CNTN5: variants seen among roughly 807,000 people sequenced by gnomAD.
The protein encoded by CNTN5 is contactin-5.
Under a neutral mutation model 129.1 loss-of-function variants are expected in CNTN5, and 77 were observed. The observed-to-expected ratio is 0.60, with a 90% CI of 0.50 to 0.72. CNTN5 has a LOEUF of 0.72. CNTN5 is among the 30% of genes least tolerant of loss of function. CNTN5 has a pLI of 0.00. For synonymous variants in CNTN5, 509 were observed against 465.6 expected (o/e 1.09, Z -1.20); for missense variants, 1,478 against 1,328.8 (o/e 1.11, Z -1.75).
intron 7 of CNTN5, among the ~76,000 whole-genome samples, chr11:99,926,755 T>C (rs1011325794): frequency 2.0e-5 from 3 of 152,080 alleles, no homozygotes; most frequent in Non-Finnish European, 2.9e-5. Flanking sequence ...CAAATCACTA[T>C]ATATTAAATT....
At chr11:99,153,108 T>A (rs771311094) in intron 1 of CNTN5, among the ~76,000 whole-genome samples, 18 of 152,194 alleles carry the variant, frequency 1.2e-4, no homozygotes, top group South Asian at 6.2e-4. Flanking sequence ...GAGAATCTGA[T>A]GACTATGTGT....
chr11:100,333,408 G>GAA (rs547220238), intron 21 of CNTN5, among the ~76,000 whole-genome samples: 16,879 of 73,448 alleles, frequency 0.23, 1,922 homozygotes, highest in Non-Finnish European at 0.27. Context: ...CACTGAATTA[G>GAA]AAAAAAAAAA....
intron 8 of CNTN5, among the ~76,000 whole-genome samples, chr11:99,983,201 T>A (rs1318835822): frequency 1.3e-5 from 2 of 152,204 alleles, no homozygotes; most frequent in Non-Finnish European, 2.9e-5. Context: ...ATAATTATTC[T>A]AAAGATGGAG....
At chr11:99,303,787 G>T (rs1864749310) in intron 1 of CNTN5, among the ~76,000 whole-genome samples, 1 of 152,006 alleles carries the variant, frequency 6.6e-6, no homozygotes, top group African/African-American at 2.4e-5. Context: ...GATATTTAAA[G>T]TTCTAAAAAG....
chr11:99,483,505 C>T (rs1945686214), intron 2 of CNTN5, among the ~76,000 whole-genome samples: 1 of 152,138 alleles, frequency 6.6e-6, no homozygotes, highest in Non-Finnish European at 1.5e-5. Context: ...CTTGAGCCCA[C>T]TCACCCAACT....
intron 3 of CNTN5, among the ~76,000 whole-genome samples, chr11:99,792,573 G>GTGTC (rs1555113491): frequency 0.033 from 3,866 of 116,574 alleles, 97 homozygotes; most frequent in African/African-American, 0.036. Flanking sequence ...GTGTGTGTGT[G>GTGTC]TGTCTGTCTG....
At chr11:100,198,484 G>A (rs1201241471) in intron 15 of CNTN5, among the ~76,000 whole-genome samples, 3 of 151,848 alleles carry the variant, frequency 2.0e-5, no homozygotes, top group Non-Finnish European at 4.4e-5. Context: ...GTTATTTGGG[G>A]AAAACATGCT....
intron 15 of CNTN5, among the ~76,000 whole-genome samples, chr11:100,219,933 A>G (rs888395761): frequency 5.3e-5 from 8 of 152,194 alleles, no homozygotes; most frequent in Non-Finnish European, 1.0e-4. Flanking sequence ...TAAAGAAAAA[A>G]CTATAAAAAG....
chr11:99,643,608 A>G (rs1295523955), intron 3 of CNTN5, among the ~76,000 whole-genome samples: 2 of 152,158 alleles, frequency 1.3e-5, no homozygotes, highest in Non-Finnish European at 2.9e-5. Flanking sequence ...GCCAAGACAT[A>G]TTAATGTTGT....
At chr11:100,308,291 C>G (rs117462464) in intron 20 of CNTN5, 68 bp from the exon 21 acceptor site, 12 of 1,389,634 alleles carry the variant, frequency 8.6e-6, no homozygotes, top group African/African-American at 1.5e-5. Context: ...TAACACCTGA[C>G]AGACTCAGGC....
chr11:99,075,751 G>T (rs1401241135), intron 1 of CNTN5, among the ~76,000 whole-genome samples: 2 of 152,134 alleles, frequency 1.3e-5, no homozygotes, highest in Non-Finnish European at 2.9e-5. Context: ...AGATATGAAA[G>T]TTTATGATGA....
intron 3 of CNTN5, among the ~76,000 whole-genome samples, chr11:99,676,683 C>T (rs955961412): frequency 4.6e-5 from 7 of 152,122 alleles, no homozygotes; most frequent in Non-Finnish European, 1.0e-4. Flanking sequence ...ATGTAACAAA[C>T]CTGCACGTTG....
chr11:99,813,053 G>A (rs1345613784), intron 3 of CNTN5, among the ~76,000 whole-genome samples: 2 of 151,908 alleles, frequency 1.3e-5, no homozygotes, highest in Admixed American at 1.3e-4. Context: ...CTCCCAGATT[G>A]TAAATTCCAC....
chr11:99,244,268 A>C (rs1268735033), intron 1 of CNTN5, among the ~76,000 whole-genome samples: 1 of 152,092 alleles, frequency 6.6e-6, no homozygotes, highest in African/African-American at 2.4e-5. Flanking sequence ...AGTGTCATTG[A>C]TGTATAGAAA....
intron 8 of CNTN5, among the ~76,000 whole-genome samples, chr11:99,962,119 C>T (rs987821991): frequency 2.1e-5 from 2 of 93,478 alleles, no homozygotes; most frequent in Non-Finnish European, 4.5e-5. Flanking sequence ...TAAAATTACT[C>T]TAAGGAAGAC....
chr11:99,705,255 A>G (rs1456277460), intron 3 of CNTN5, among the ~76,000 whole-genome samples: 5 of 151,242 alleles, frequency 3.3e-5, no homozygotes, highest in African/African-American at 9.7e-5. Context: ...ATTTACAGAG[A>G]TTTCTTCAAG....
chr11:99,140,835 G>A (rs1859476652), intron 1 of CNTN5, among the ~76,000 whole-genome samples: 1 of 151,420 alleles, frequency 6.6e-6, no homozygotes, highest in Non-Finnish European at 1.5e-5. Flanking sequence ...GAATCACAGG[G>A]CTCAAGCCTA....
At position 99,573,818 on chromosome 11, in the gene CNTN5, G is replaced by A. The variant is rs555828808; in HGVS notation, c.55+17549G>A. On this transcript the variant is annotated intron_variant, in intron 3 of 24. Transcript: ENST00000524871. ...TTGGAGAAACCTTTCTAGAGCATATGTAATTCTTTGAAACTTCTCTAAGTT... is the reference window on the plus strand; with the variant it reads ...TTGGAGAAACCTTTCTAGAGCATATATAATTCTTTGAAACTTCTCTAAGTT... 4.6e-5 allele frequency among the ~76,000 whole-genome samples: 7 copies of A among 152,022 alleles called. No individual in the cohort carries two copies. In the South Asian group the frequency reaches 1.2e-3, roughly 27 times the overall value.
chr11:99,767,568 T>G (rs569178184), intron 3 of CNTN5, among the ~76,000 whole-genome samples: 21 of 151,810 alleles, frequency 1.4e-4, no homozygotes, highest in Non-Finnish European at 2.7e-4. Context: ...GCAAATAAGA[T>G]TTTTTTGGAA....
Sources: gnomAD v4.1 joint callset for allele counts (sites outside exome capture counted in the v4.1 genomes callset) on GRCh38, gnomAD v4.1.1 for gene constraint, MANE v1.5 for transcripts, NCBI Gene and HGNC (gene_info 2026-07-23, HGNC 2026-07-21) for gene names.